Variants in PDE4D observed in about 807,000 individuals in gnomAD.
PDE4D encodes phosphodiesterase 4D.
A neutral mutation model predicts 87.4 loss-of-function variants in PDE4D; 24 were observed. That is an observed-to-expected ratio of 0.27 (90% CI 0.20 to 0.39). The LOEUF (loss-of-function observed/expected upper bound fraction) is 0.39, where lower values mean the gene tolerates loss of function less well. Ranked by LOEUF, PDE4D falls within the 10% of genes least tolerant of loss-of-function variation. The pLI is 1.00. For synonymous variants in PDE4D, 384 were observed against 383.2 expected (o/e 1.00, Z -0.02); for missense variants, 714 against 1,041.0 (o/e 0.69, Z 4.32).
intron 1 of PDE4D, among the ~76,000 whole-genome samples, chr5:59,593,749 A>T (rs1167109604): frequency 6.6e-6 from 1 of 152,176 alleles, no homozygotes; most frequent in East Asian, 1.9e-4. Context: ...TATAATTGAC[A>T]AATCGTTAGA....
At chr5:59,970,632 A>C (rs1234072489) in intron 3 of PDE4D, among the ~76,000 whole-genome samples, 1 of 151,556 alleles carries the variant, frequency 6.6e-6, no homozygotes, top group Non-Finnish European at 1.5e-5. Flanking sequence ...GCCATCAGAG[A>C]AATGCAAATC....
chr5:60,402,436 C>T (rs1741172689), intron 1 of PDE4D, among the ~76,000 whole-genome samples: 1 of 152,212 alleles, frequency 6.6e-6, no homozygotes, highest in Admixed American at 6.5e-5. Context: ...CACTATGGTG[C>T]CTGGCATGTG....
At chr5:59,935,613 AC>A (rs1226958312) in intron 3 of PDE4D, among the ~76,000 whole-genome samples, 1 of 152,198 alleles carries the variant, frequency 6.6e-6, no homozygotes, top group Non-Finnish European at 1.5e-5. Flanking sequence ...TTTAGTGAAT[AC>A]AAAAATGGGT....
At chr5:60,168,488 C>A (rs919958494) in intron 2 of PDE4D, among the ~76,000 whole-genome samples, 2 of 152,312 alleles carry the variant, frequency 1.3e-5, no homozygotes, top group East Asian at 3.9e-4. Context: ...GCCCCTTCTT[C>A]TGTGAACCCT....
intron 2 of PDE4D, among the ~76,000 whole-genome samples, chr5:59,198,855 T>C (rs1259776766): frequency 6.6e-6 from 1 of 152,118 alleles, no homozygotes; most frequent in Non-Finnish European, 1.5e-5. Flanking sequence ...GCCCACACTC[T>C]TATGGTGACT....
intron 2 of PDE4D, among the ~76,000 whole-genome samples, chr5:60,090,978 G>A (rs1582603993): frequency 6.6e-6 from 1 of 152,194 alleles, no homozygotes; most frequent in South Asian, 2.1e-4. Flanking sequence ...AACCAAACAA[G>A]TGAATGACCT....
intron 1 of PDE4D, among the ~76,000 whole-genome samples, chr5:59,427,301 A>ACG (rs1166854498): frequency 1.5e-5 from 2 of 137,260 alleles, no homozygotes; most frequent in African/African-American, 5.9e-5. Flanking sequence ...ATACACACAC[A>ACG]CACACACACA....
chr5:59,080,180 T>C (rs750881450), intron 5 of PDE4D, among the ~76,000 whole-genome samples: 2 of 152,218 alleles, frequency 1.3e-5, no homozygotes, highest in Non-Finnish European at 2.9e-5. Flanking sequence ...ATTTCCTGCA[T>C]GACCTCAGAA....
At chr5:59,618,660 G>T (rs1829995827) in intron 1 of PDE4D, among the ~76,000 whole-genome samples, 1 of 152,178 alleles carries the variant, frequency 6.6e-6, no homozygotes, top group Non-Finnish European at 1.5e-5. Flanking sequence ...GATACAGTCA[G>T]GAGGTGGTGG....
chr5:59,982,227 AG>A (rs1337133796), intron 3 of PDE4D, among the ~76,000 whole-genome samples: 1 of 152,222 alleles, frequency 6.6e-6, no homozygotes, highest in Non-Finnish European at 1.5e-5. Context: ...ATAGGATACT[AG>A]GGATGAGAAA....
chr5:59,761,287 T>C (rs576787776), intron 1 of PDE4D, among the ~76,000 whole-genome samples: 2 of 150,398 alleles, frequency 1.3e-5, no homozygotes, highest in South Asian at 4.2e-4. Flanking sequence ...GGTGAGTCAA[T>C]GTGAAGGCCT....
At chr5:59,663,559 ATGCT>A (rs1302119790) in intron 1 of PDE4D, among the ~76,000 whole-genome samples, 4 of 152,160 alleles carry the variant, frequency 2.6e-5, no homozygotes, top group Admixed American at 6.5e-5. Flanking sequence ...ATTTAGTCTG[ATGCT>A]TGCTTGATTA....
intron 1 of PDE4D, among the ~76,000 whole-genome samples, chr5:59,842,015 G>T (rs1743093074): frequency 6.6e-6 from 1 of 151,962 alleles, no homozygotes; most frequent in African/African-American, 2.4e-5. Context: ...TGTTGGAATG[G>T]TTTCTAGGAA....
rs1745942386 is a variant in PDE4D at position 60,232,568 on chromosome 5, T to C, written c.-89-46881A>G. Among the ~76,000 whole-genome samples the C allele has an allele frequency of 4.6e-5, 7 of 152,000 alleles. No homozygotes were observed. In the South Asian group the frequency reaches 1.4e-3, roughly 31 times the overall value. The stretch of plus-strand genomic sequence containing the variant: ...CCTCAGATCCTATGCACTGAACTAC[T>C]GTCCCACACTGCAATGAAAAAGGCT... On this transcript the variant is annotated intron_variant, in intron 1 of 16. Transcript: ENST00000502484.
intron 1 of PDE4D, among the ~76,000 whole-genome samples, chr5:59,660,251 G>C (rs144092984): frequency 6.6e-6 from 1 of 152,006 alleles, no homozygotes; most frequent in Non-Finnish European, 1.5e-5. Flanking sequence ...TTCATCCCTT[G>C]GTAATACATA....
chr5:59,868,753 C>A (rs141282864), intron 1 of PDE4D, among the ~76,000 whole-genome samples: 1 of 152,104 alleles, frequency 6.6e-6, no homozygotes, highest in South Asian at 2.1e-4. Context: ...AGTTCTCCTG[C>A]GAAATAATAC....
chr5:60,417,912 T>C (rs1287570513), intron 1 of PDE4D, among the ~76,000 whole-genome samples: 1 of 151,804 alleles, frequency 6.6e-6, no homozygotes, highest in Non-Finnish European at 1.5e-5. Flanking sequence ...AAAAAAACAC[T>C]CTAAGCTAAC....
At chr5:59,098,697 C>CAAAAAAAAA (rs3061415) in intron 5 of PDE4D, among the ~76,000 whole-genome samples, 4 of 67,018 alleles carry the variant, frequency 6.0e-5, no homozygotes, top group Admixed American at 1.9e-4. Flanking sequence ...GAGAAAGACT[C>CAAAAAAAAA]AAAAAAAAAA....
intron 1 of PDE4D, among the ~76,000 whole-genome samples, chr5:59,615,700 G>C (rs1829573353): frequency 6.6e-6 from 1 of 152,098 alleles, no homozygotes; most frequent in Non-Finnish European, 1.5e-5. Context: ...CAGTAGCTGG[G>C]GTAATCTGAT....
Sources: gnomAD v4.1 joint callset for allele counts (sites outside exome capture counted in the v4.1 genomes callset) on GRCh38, gnomAD v4.1.1 for gene constraint, MANE v1.5 for transcripts, NCBI Gene and HGNC (gene_info 2026-07-23, HGNC 2026-07-21) for gene names.